SPON1: variants seen among roughly 807,000 people sequenced by gnomAD.
SPON1 encodes spondin-1.
Under a neutral mutation model 111.7 loss-of-function variants are expected in SPON1, and 52 were observed. The ratio of observed to expected loss-of-function variants is 0.47; its 90% CI spans 0.37 to 0.59. The LOEUF (loss-of-function observed/expected upper bound fraction) is 0.59, where lower values mean the gene tolerates loss of function less well. Ranked by LOEUF, SPON1 falls within the 20% of genes least tolerant of loss-of-function variation. SPON1 has a pLI of 0.00. For missense variants in SPON1, 957 were observed against 1,068.5 expected (o/e 0.90, Z 1.46); for synonymous variants, 410 against 395.8 (o/e 1.04, Z -0.43).
chr11:14,061,372 C>G (rs1848790032), intron 3 of SPON1, among the ~76,000 whole-genome samples: 1 of 152,204 alleles, frequency 6.6e-6, no homozygotes, highest in African/African-American at 2.4e-5. Context: ...ATCTATCATT[C>G]TATCCAATTA....
chr11:14,129,150 C>A (rs1379647441), intron 5 of SPON1, among the ~76,000 whole-genome samples: 1 of 152,132 alleles, frequency 6.6e-6, no homozygotes, highest in Non-Finnish European at 1.5e-5. Flanking sequence ...ATGCAAATTT[C>A]TCTTGAATTT....
intron 5 of SPON1, among the ~76,000 whole-genome samples, chr11:14,101,302 A>C (rs1849142179): frequency 6.6e-6 from 1 of 152,286 alleles, no homozygotes; most frequent in African/African-American, 2.4e-5. Flanking sequence ...CAGGAGGCTG[A>C]GGCAGGAGAA....
intron 3 of SPON1, among the ~76,000 whole-genome samples, chr11:14,046,869 C>T (rs544480986): frequency 1.3e-5 from 2 of 152,254 alleles, no homozygotes; most frequent in East Asian, 3.9e-4. Context: ...CTTTCGTATC[C>T]TTCTTAAAAT....
intron 2 of SPON1, among the ~76,000 whole-genome samples, chr11:13,992,326 T>C (rs1386822603): frequency 1.3e-5 from 2 of 152,184 alleles, no homozygotes; most frequent in Non-Finnish European, 2.9e-5. Flanking sequence ...CCACCCAGTT[T>C]GAACTTCCCA....
chr11:14,080,827 T>A (rs1345859747), intron 5 of SPON1, among the ~76,000 whole-genome samples: 1 of 152,204 alleles, frequency 6.6e-6, no homozygotes, highest in African/African-American at 2.4e-5. Flanking sequence ...CTCAAGCCTG[T>A]ACTCCCAGTG....
chr11:13,988,853 T>C (rs1237899663), intron 2 of SPON1, among the ~76,000 whole-genome samples: 4 of 152,250 alleles, frequency 2.6e-5, no homozygotes, highest in African/African-American at 9.6e-5. Context: ...ATTACGTTTA[T>C]TGATTTGCAT....
chr11:13,994,243 C>A (rs1228226558), intron 2 of SPON1, among the ~76,000 whole-genome samples: 3 of 152,126 alleles, frequency 2.0e-5, no homozygotes, highest in African/African-American at 7.2e-5. Context: ...CTTAATCAGT[C>A]CCCTTATAAG....
intron 2 of SPON1, among the ~76,000 whole-genome samples, chr11:13,998,967 C>A (rs1416636552): frequency 1.3e-5 from 2 of 152,192 alleles, no homozygotes; most frequent in East Asian, 1.9e-4. Flanking sequence ...GTTCCTGTGG[C>A]CTTGCAATCC....
chr11:14,022,590 C>T (rs1278164127), intron 2 of SPON1, among the ~76,000 whole-genome samples: 1 of 152,172 alleles, frequency 6.6e-6, no homozygotes, highest in East Asian at 1.9e-4. Context: ...GTTTCCTCCT[C>T]TATAAAATGG....
At position 14,146,339 on chromosome 11, in the gene SPON1, G is replaced by A. The variant is rs956664418; in HGVS notation, c.825+10771G>A. On this transcript the variant is annotated intron_variant, in intron 6 of 15. Coordinates refer to ENST00000576479, the MANE Select transcript of SPON1 (RefSeq NM_006108.4). ...TAATTTTTACATTTTTAGTAGAGAC[G>A]GGGTTTCACCATGTTGGCCAGGCTG... Among the ~76,000 whole-genome samples the A allele has an allele frequency of 2.6e-5, 4 of 151,738 alleles. No homozygotes were observed. In the East Asian group the frequency reaches 5.8e-4, roughly 22 times the overall value.
At chr11:14,046,789 T>A (rs1366142377) in intron 3 of SPON1, among the ~76,000 whole-genome samples, 14 of 152,226 alleles carry the variant, frequency 9.2e-5, no homozygotes, top group Admixed American at 9.2e-4. Context: ...TGCACTGAAT[T>A]AATAGTTTCC....
At chr11:13,999,567 G>A (rs1848300263) in intron 2 of SPON1, among the ~76,000 whole-genome samples, 1 of 151,978 alleles carries the variant, frequency 6.6e-6, no homozygotes, top group Admixed American at 6.5e-5. Flanking sequence ...CATCACACCT[G>A]GCTAACTTTT....
At position 14,259,593 on chromosome 11, in the gene SPON1, G is replaced by A. The variant is rs782664144; in HGVS notation, c.1723G>A (p.Gly575Ser). 5 of 1,555,416 alleles carry A rather than the reference G, an allele frequency of 3.2e-6. No individual in the cohort carries two copies. The highest frequency in any genetic ancestry group is 2.0e-5 in the Admixed American group (1 of 51,264). ...GTGGGACGAGTGCAGCGCCACCTGCGGCATGGGCATGAAGAAGCGGCACCG... is the reference window on the plus strand; with the variant it reads ...GTGGGACGAGTGCAGCGCCACCTGCAGCATGGGCATGAAGAAGCGGCACCG... ...GEWDECSATC[G>S]MGMKKRHRMI... The change falls in exon 13 of 16, where the codon GGC (glycine) becomes AGC (serine). Residue 575 changes from glycine to serine, a missense_variant. Transcript: ENST00000576479. The surrounding 1 kb of genome is among the most constrained non-coding windows in gnomAD (Gnocchi z 5.0).
At chr11:14,080,489 G>A (rs1050268629) in intron 5 of SPON1, among the ~76,000 whole-genome samples, 55 of 152,150 alleles carry the variant, frequency 3.6e-4, no homozygotes, top group African/African-American at 1.2e-3. Flanking sequence ...TTGGCCTCCC[G>A]AAGTGCTGGG....
chr11:14,178,045 A>ACACACACACACACACACAC (rs1848197407), intron 6 of SPON1, among the ~76,000 whole-genome samples: 46 of 142,596 alleles, frequency 3.2e-4, no homozygotes, highest in Non-Finnish European at 4.6e-4. Context: ...CACACACACA[A>ACACACACACACACACACAC]ACACACACAC....
At chr11:14,009,580 A>G (rs1848389047) in intron 2 of SPON1, among the ~76,000 whole-genome samples, 1 of 152,208 alleles carries the variant, frequency 6.6e-6, no homozygotes, top group Non-Finnish European at 1.5e-5. Flanking sequence ...TCCCAGTAAG[A>G]ACTGTGTTCA....
At position 14,098,569 on chromosome 11, in the gene SPON1, G is replaced by C. The variant is rs147073826; in HGVS notation, c.676+18548G>C. 4.0e-3 allele frequency among the ~76,000 whole-genome samples: 609 copies of C among 152,162 alleles called. 1 individual carries two copies. Among genetic ancestry groups the C allele is most frequent in the African/African-American group, 0.014 (583 of 41,526 alleles). On this transcript the variant is annotated intron_variant, in intron 5 of 15. Transcript: ENST00000576479. The stretch of plus-strand genomic sequence containing the variant: ...TATTATGCTCCTGATTTATGGAAGA[G>C]AAAATTGAGTCTCAGAGAGGCTAGA...
intron 2 of SPON1, among the ~76,000 whole-genome samples, chr11:13,998,880 A>G (rs538545977): frequency 1.3e-5 from 2 of 152,238 alleles, no homozygotes; most frequent in Non-Finnish European, 2.9e-5. Flanking sequence ...AGACTTCTTT[A>G]ATAGACAATA....
intron 6 of SPON1, among the ~76,000 whole-genome samples, chr11:14,241,360 G>T (rs1848924470): frequency 6.6e-6 from 1 of 152,230 alleles, no homozygotes; most frequent in Non-Finnish European, 1.5e-5. Flanking sequence ...AAGTTGTGAG[G>T]AGCCTTTGAA....
Sources: allele counts gnomAD v4.1 joint callset (sites outside exome capture counted in the v4.1 genomes callset), GRCh38; gene constraint gnomAD v4.1.1; non-coding constraint Gnocchi (gnomAD v3.1); transcripts MANE v1.5; gene names NCBI Gene and HGNC (gene_info 2026-07-23, HGNC 2026-07-21).